Variants in CACNA2D3 observed in about 807,000 individuals in gnomAD.
The protein encoded by CACNA2D3 is voltage-dependent calcium channel subunit alpha-2/delta-3.
CACNA2D3 carries 60 observed loss-of-function variants against 160.6 expected under a neutral mutation model. The observed-to-expected ratio is 0.37, with a 90% CI of 0.30 to 0.46. The LOEUF is 0.46. Ranked by LOEUF, CACNA2D3 falls within the 20% of genes least tolerant of loss-of-function variation. The probability of loss-of-function intolerance (pLI) is 1.00; values close to 1 mark genes in which losing one functional copy is unlikely to be tolerated. For missense variants in CACNA2D3, 1,205 were observed against 1,365.0 expected (o/e 0.88, Z 1.85); for synonymous variants, 558 against 492.9 (o/e 1.13, Z -1.75).
intron 9 of CACNA2D3, among the ~76,000 whole-genome samples, chr3:54,607,195 T>C (rs547847405): frequency 1.3e-5 from 2 of 152,268 alleles, no homozygotes; most frequent in Middle Eastern, 6.8e-3. Flanking sequence ...AAGGACATAC[T>C]TTCTGTATCT....
intron 4 of CACNA2D3, among the ~76,000 whole-genome samples, chr3:54,485,046 C>G (rs548903915): frequency 2.2e-4 from 34 of 152,150 alleles, no homozygotes; most frequent in African/African-American, 7.0e-4. Context: ...GGGGTTTCAT[C>G]GTGTTGGCCA....
chr3:54,192,815 G>A (rs916136389), intron 2 of CACNA2D3, among the ~76,000 whole-genome samples: 2 of 152,200 alleles, frequency 1.3e-5, no homozygotes, highest in African/African-American at 4.8e-5. Flanking sequence ...CTGGTGCAAG[G>A]GAAAGTGACT....
chr3:54,775,233 C>T (rs1273398044), intron 13 of CACNA2D3, among the ~76,000 whole-genome samples: 4 of 152,112 alleles, frequency 2.6e-5, no homozygotes, highest in African/African-American at 9.7e-5. Flanking sequence ...GTACCAGAGT[C>T]CTGCACAAAA....
At chr3:54,793,670 A>G (rs1480603800) in intron 13 of CACNA2D3, among the ~76,000 whole-genome samples, 1 of 152,210 alleles carries the variant, frequency 6.6e-6, no homozygotes, top group Non-Finnish European at 1.5e-5. Context: ...TGTCTAGGTC[A>G]GTGTAGTGCA....
At chr3:54,531,473 T>C (rs888727118) in intron 5 of CACNA2D3, among the ~76,000 whole-genome samples, 1 of 152,196 alleles carries the variant, frequency 6.6e-6, no homozygotes, top group African/African-American at 2.4e-5. Context: ...CTCTATACCC[T>C]CAGAAGATTT....
chr3:54,523,982 TC>T (rs1464628905), intron 5 of CACNA2D3, among the ~76,000 whole-genome samples: 1 of 152,038 alleles, frequency 6.6e-6, no homozygotes, highest in Non-Finnish European at 1.5e-5. Context: ...AATATTTTTT[TC>T]TATTCTCAAT....
intron 2 of CACNA2D3, among the ~76,000 whole-genome samples, chr3:54,252,102 T>TTTTTTTTG (rs1489778969): frequency 6.9e-6 from 1 of 145,218 alleles, no homozygotes; most frequent in African/African-American, 2.6e-5. Flanking sequence ...CAGAGCTAGT[T>TTTTTTTTG]TTTTTTTTTT....
chr3:54,931,762 G>A (rs904058110), intron 27 of CACNA2D3, among the ~76,000 whole-genome samples: 6 of 152,126 alleles, frequency 3.9e-5, no homozygotes, highest in African/African-American at 1.4e-4. Flanking sequence ...TAATATGTTA[G>A]TCTATTTACC....
intron 29 of CACNA2D3, among the ~76,000 whole-genome samples, chr3:54,970,726 A>G (rs1393922835): frequency 6.7e-6 from 1 of 150,054 alleles, no homozygotes; most frequent in Non-Finnish European, 1.5e-5. Flanking sequence ...AAGTGTTTCC[A>G]TCTGCCTTAT....
intron 3 of CACNA2D3, chr3:54,385,960 C>T (rs765737507): frequency 2.4e-5 from 12 of 505,986 alleles, no homozygotes; most frequent in Admixed American, 2.1e-4. Context: ...CCTATATTTT[C>T]AAGGTGGGAA....
intron 31 of CACNA2D3, among the ~76,000 whole-genome samples, chr3:55,001,755 A>G (rs1424602165): frequency 6.6e-6 from 1 of 152,236 alleles, no homozygotes; most frequent in East Asian, 1.9e-4. Flanking sequence ...CTTAGAGCAT[A>G]TTTCAGTGTA....
At chr3:54,718,445 C>T (rs1468970298) in intron 11 of CACNA2D3, among the ~76,000 whole-genome samples, 1 of 152,056 alleles carries the variant, frequency 6.6e-6, no homozygotes, top group Non-Finnish European at 1.5e-5. Context: ...GTTGATGCAG[C>T]ACGATTTATG....
At chr3:55,017,028 A>G (rs1703340334) in intron 34 of CACNA2D3, among the ~76,000 whole-genome samples, 1 of 152,210 alleles carries the variant, frequency 6.6e-6, no homozygotes, top group Non-Finnish European at 1.5e-5. Flanking sequence ...TCTGCCCACC[A>G]ACCAGTTATA....
intron 4 of CACNA2D3, among the ~76,000 whole-genome samples, chr3:54,387,626 T>G (rs746936157): frequency 2.0e-5 from 3 of 152,026 alleles, no homozygotes; most frequent in Non-Finnish European, 4.4e-5. Context: ...CACTGCAGCC[T>G]GGGTGACAGA....
intron 1 of CACNA2D3, 124 bp downstream of exon 1, chr3:54,122,959 C>G (rs1699505348): frequency 1.1e-6 from 1 of 923,822 alleles, no homozygotes; most frequent in Non-Finnish European, 1.4e-6. Flanking sequence ...CCTCGCCGCT[C>G]GCACCTGCCT....
At chr3:55,062,042 C>A (rs17054749) in intron 35 of CACNA2D3, among the ~76,000 whole-genome samples, 4,707 of 152,302 alleles carry the variant, frequency 0.031, 239 homozygotes, top group African/African-American at 0.1. Context: ...TGGGCTGCTT[C>A]AACCTTGTAC....
intron 30 of CACNA2D3, 79 bp from the exon 31 acceptor site, chr3:54,987,604 C>T (rs535349766): frequency 1.1e-4 from 100 of 913,942 alleles, no homozygotes; most frequent in Admixed American, 8.9e-4. Flanking sequence ...AGGACACAGA[C>T]TGTGTCCCTT....
chr3:54,803,479 A>G (rs1050859265), intron 13 of CACNA2D3, among the ~76,000 whole-genome samples: 1 of 152,230 alleles, frequency 6.6e-6, no homozygotes, highest in African/African-American at 2.4e-5. Context: ...GATGAAATGA[A>G]TGAAGCGAGA....
intron 9 of CACNA2D3, among the ~76,000 whole-genome samples, chr3:54,598,307 CAAA>C (rs10656534): frequency 2.0e-4 from 10 of 49,846 alleles, no homozygotes; most frequent in Admixed American, 7.0e-4. Context: ...CTCCGTCTCA[CAAA>C]AAAAAAAAAA....
Sources: allele counts gnomAD v4.1 joint callset (sites outside exome capture counted in the v4.1 genomes callset), GRCh38; gene constraint gnomAD v4.1.1; transcripts MANE v1.5; gene names NCBI Gene and HGNC (gene_info 2026-07-23, HGNC 2026-07-21).